ZDHHC2: variants seen among roughly 807,000 people sequenced by gnomAD.
ZDHHC2 encodes the protein palmitoyltransferase ZDHHC2.
A neutral mutation model predicts 55.6 loss-of-function variants in ZDHHC2; 51 were observed. That is an observed-to-expected ratio of 0.92 (90% CI 0.73 to 1.16). The LOEUF is 1.16. Ranked by LOEUF, ZDHHC2 falls within the 50% of genes most tolerant of loss-of-function variation. The probability of loss-of-function intolerance (pLI) is 0.00; values close to 1 mark genes in which losing one functional copy is unlikely to be tolerated. For synonymous variants in ZDHHC2, 199 were observed against 152.9 expected (o/e 1.30, Z -2.22); for missense variants, 491 against 442.4 (o/e 1.11, Z -0.99).
At chr8:17,177,620 A>AGT (rs1805208735) in intron 1 of ZDHHC2, among the ~76,000 whole-genome samples, 1 of 152,232 alleles carries the variant, frequency 6.6e-6, no homozygotes, top group Non-Finnish European at 1.5e-5. Flanking sequence ...TGTTCTCAAC[A>AGT]GTGTAAGCAC....
chr8:17,180,985 A>G (rs1002896743), intron 1 of ZDHHC2, among the ~76,000 whole-genome samples: 1 of 152,224 alleles, frequency 6.6e-6, no homozygotes. Context: ...TTTTAAAGGA[A>G]CAGGAACCAT....
chr8:17,200,517 C>T (rs748728748), intron 6 of ZDHHC2, among the ~76,000 whole-genome samples: 3 of 152,052 alleles, frequency 2.0e-5, no homozygotes, highest in Non-Finnish European at 2.9e-5. Flanking sequence ...ATTTGTCTGA[C>T]CTTAATAAGG....
intron 1 of ZDHHC2, among the ~76,000 whole-genome samples, chr8:17,172,687 C>A (rs546248605): frequency 6.6e-6 from 1 of 152,130 alleles, no homozygotes; most frequent in African/African-American, 2.4e-5. Context: ...CAGGAGAGAT[C>A]CATATTCTGT....
chr8:17,195,336 T>G (rs1046538957), intron 3 of ZDHHC2, among the ~76,000 whole-genome samples, 168 bp from the exon 4 acceptor site: 1 of 152,208 alleles, frequency 6.6e-6, no homozygotes, highest in East Asian at 1.9e-4. Flanking sequence ...CATAAATGAA[T>G]GACCTGTGAG....
At chr8:17,166,613 C>T (rs901016060) in intron 1 of ZDHHC2, among the ~76,000 whole-genome samples, 21 of 152,052 alleles carry the variant, frequency 1.4e-4, no homozygotes, top group African/African-American at 4.6e-4. Flanking sequence ...TGTAAATGAG[C>T]AGAGAAATGG....
intron 6 of ZDHHC2, among the ~76,000 whole-genome samples, chr8:17,199,509 T>A (rs62497330): frequency 2.0e-4 from 24 of 121,210 alleles, no homozygotes; most frequent in South Asian, 2.0e-3. Flanking sequence ...CTTCTTCTTC[T>A]TCTTCGTCTT....
chr8:17,191,622 C>T (rs1476480343), intron 3 of ZDHHC2, among the ~76,000 whole-genome samples: 1 of 152,180 alleles, frequency 6.6e-6, no homozygotes, highest in Non-Finnish European at 1.5e-5. Context: ...GAGTTCCATT[C>T]ATGTTGTTGC....
chr8:17,201,255 C>A (rs951328956), intron 6 of ZDHHC2, among the ~76,000 whole-genome samples: 1 of 151,992 alleles, frequency 6.6e-6, no homozygotes, highest in African/African-American at 2.4e-5. Context: ...AGCCTATAAA[C>A]CCCCTTGTTA....
chr8:17,203,581 T>A (rs186859599), intron 6 of ZDHHC2, among the ~76,000 whole-genome samples: 37 of 152,082 alleles, frequency 2.4e-4, no homozygotes, highest in African/African-American at 8.9e-4. Context: ...ACCCATTCTT[T>A]CCCCTTGAAA....
At chr8:17,197,105 T>C (rs1225404516) in intron 4 of ZDHHC2, among the ~76,000 whole-genome samples, 7 of 152,174 alleles carry the variant, frequency 4.6e-5, no homozygotes, top group Non-Finnish European at 8.8e-5. Context: ...AAACAAACAC[T>C]GCAGAAATTT....
chr8:17,213,124 G>A (rs1807466803), intron 10 of ZDHHC2, among the ~76,000 whole-genome samples: 1 of 152,012 alleles, frequency 6.6e-6, no homozygotes, highest in South Asian at 2.1e-4. Flanking sequence ...TCTTCCTCCA[G>A]ATCTCAGTGA....
chr8:17,199,413 T>C (rs924383476), intron 6 of ZDHHC2, among the ~76,000 whole-genome samples: 3 of 151,106 alleles, frequency 2.0e-5, no homozygotes, highest in Admixed American at 2.0e-4. Flanking sequence ...CAGTTTTCTT[T>C]TCTGGTTTTT....
chr8:17,159,848 C>T (rs2150873380), intron 1 of ZDHHC2, among the ~76,000 whole-genome samples: 1 of 152,292 alleles, frequency 6.6e-6, no homozygotes, highest in Admixed American at 6.5e-5. Flanking sequence ...TCCTCCCCCT[C>T]CATCCTTTCC....
chr8:17,205,196 G>T (rs959720329), intron 6 of ZDHHC2, among the ~76,000 whole-genome samples: 1 of 152,142 alleles, frequency 6.6e-6, no homozygotes, highest in African/African-American at 2.4e-5. Flanking sequence ...CAGTCCGCTT[G>T]CTTCAATGAA....
At chr8:17,212,035 T>G (rs1007683489) in intron 10 of ZDHHC2, among the ~76,000 whole-genome samples, 2 of 152,276 alleles carry the variant, frequency 1.3e-5, no homozygotes, top group South Asian at 2.1e-4. Flanking sequence ...AAGGGCACCA[T>G]GAGATTTGGG....
At chr8:17,196,809 G>A (rs1806336105) in intron 4 of ZDHHC2, among the ~76,000 whole-genome samples, 2 of 152,028 alleles carry the variant, frequency 1.3e-5, no homozygotes, top group Non-Finnish European at 2.9e-5. Flanking sequence ...AGCTCAGGAG[G>A]CTGAGGTGGG....
chr8:17,165,553 C>A (rs1201937423), intron 1 of ZDHHC2, among the ~76,000 whole-genome samples: 2 of 152,212 alleles, frequency 1.3e-5, no homozygotes, highest in African/African-American at 2.4e-5. Flanking sequence ...TTTTACAAAT[C>A]CAAGAACTGA....
At chr8:17,182,629 A>G (rs1805490233) in intron 1 of ZDHHC2, among the ~76,000 whole-genome samples, 1 of 151,858 alleles carries the variant, frequency 6.6e-6, no homozygotes, top group Non-Finnish European at 1.5e-5. Flanking sequence ...ACATTTAGGG[A>G]AAAGCAAACT....
At chr8:17,201,743 G>A (rs1044007088) in intron 6 of ZDHHC2, among the ~76,000 whole-genome samples, 13 of 149,570 alleles carry the variant, frequency 8.7e-5, no homozygotes, top group African/African-American at 3.2e-4. Context: ...TGATCCACCC[G>A]CCTCAGCCTC....
Sources: allele counts gnomAD v4.1 joint callset (sites outside exome capture counted in the v4.1 genomes callset), GRCh38; gene constraint gnomAD v4.1.1; transcripts MANE v1.5; gene names NCBI Gene and HGNC (gene_info 2026-07-23, HGNC 2026-07-21).